HNRNPLL: variants seen among roughly 807,000 people sequenced by gnomAD.
HNRNPLL encodes heterogeneous nuclear ribonucleoprotein L-like.
In HNRNPLL, 25 loss-of-function variants were observed where a neutral mutation model predicts 67.1. The observed-to-expected ratio is 0.37, with a 90% CI of 0.27 to 0.52. The LOEUF is 0.52. HNRNPLL is among the 20% of genes least tolerant of loss of function. The pLI is 0.90. For synonymous variants in HNRNPLL, 267 were observed against 241.7 expected, an observed-to-expected ratio of 1.10 and a Z score of -0.97; for missense variants, 542 against 673.9, an observed-to-expected ratio of 0.80 and a Z score of 2.17.
chr2:38,582,374 G>C (rs564888919), intron 4 of HNRNPLL, among the ~76,000 whole-genome samples: 3 of 152,036 alleles, frequency 2.0e-5, no homozygotes, highest in African/African-American at 7.2e-5. Context: ...GCAGTGGCGC[G>C]ACCTGGGCTC....
intron 8 of HNRNPLL, among the ~76,000 whole-genome samples, chr2:38,572,304 A>C (rs913414442): frequency 2.9e-4 from 44 of 152,090 alleles, no homozygotes; most frequent in African/African-American, 9.4e-4. Context: ...TCCTCAGATC[A>C]AGAAGCTTTA....
At position 38,571,461 on chromosome 2, in the gene HNRNPLL, G is replaced by C. The variant is rs75043546; in HGVS notation, c.1093-1536C>G. Among the ~76,000 whole-genome samples, 4 of 152,224 alleles carry C rather than the reference G, an allele frequency of 2.6e-5. No homozygotes were observed. The East Asian group carries it at 5.8e-4, about 22-fold the overall frequency. ...TCTATTGACGTCTAAAGAATACTGA[G>C]AATGTATTTACACAACAAATGCAAC... On this transcript the variant is annotated intron_variant, in intron 8 of 12. Transcript: ENST00000449105.
intron 7 of HNRNPLL, among the ~76,000 whole-genome samples, chr2:38,575,585 A>C (rs1237533823): frequency 6.6e-6 from 1 of 151,872 alleles, no homozygotes; most frequent in Non-Finnish European, 1.5e-5. Context: ...GTGATGATTC[A>C]CATAGATTTC....
intron 1 of HNRNPLL, 74 bp downstream of exon 1, chr2:38,602,362 CGG>C: frequency 7.2e-7 from 1 of 1,388,436 alleles, no homozygotes; most frequent in Non-Finnish European, 9.8e-7. Flanking sequence ...CTGAAGCAAG[CGG>C]GAGGCCCCGC....
intron 8 of HNRNPLL, among the ~76,000 whole-genome samples, chr2:38,571,468 T>C (rs1057236614): frequency 6.6e-6 from 1 of 152,312 alleles, no homozygotes; most frequent in East Asian, 1.9e-4. Context: ...TGAGAATGTA[T>C]TTACACAACA....
intron 7 of HNRNPLL, among the ~76,000 whole-genome samples, chr2:38,575,480 C>G (rs1666265459): frequency 6.6e-6 from 1 of 151,800 alleles, no homozygotes; most frequent in African/African-American, 2.4e-5. Context: ...GCAAATAAAT[C>G]TATGTATCAA....
intron 2 of HNRNPLL, among the ~76,000 whole-genome samples, chr2:38,587,815 T>C (rs1479963582): frequency 6.6e-6 from 1 of 152,160 alleles, no homozygotes; most frequent in Non-Finnish European, 1.5e-5. Context: ...ATCGCCGATG[T>C]AGGAAGTGGG....
intron 6 of HNRNPLL, among the ~76,000 whole-genome samples, chr2:38,580,884 A>G (rs1666501283): frequency 6.6e-6 from 1 of 152,208 alleles, no homozygotes; most frequent in Non-Finnish European, 1.5e-5. Flanking sequence ...TAGTTACACA[A>G]ATTGACAGTG....
At chr2:38,571,051 A>T (rs1666057866) in intron 8 of HNRNPLL, among the ~76,000 whole-genome samples, 1 of 152,112 alleles carries the variant, frequency 6.6e-6, no homozygotes, top group Admixed American at 6.6e-5. Flanking sequence ...TCTCAAAAGC[A>T]AACACACAAA....
intron 1 of HNRNPLL, among the ~76,000 whole-genome samples, chr2:38,597,577 C>T (rs978550356): frequency 1.3e-5 from 2 of 152,144 alleles, no homozygotes; most frequent in Non-Finnish European, 2.9e-5. Flanking sequence ...TGTAAAGAAG[C>T]ACATCTAAAA....
chr2:38,595,132 T>C (rs1323982346), intron 1 of HNRNPLL, among the ~76,000 whole-genome samples: 1 of 146,420 alleles, frequency 6.8e-6, no homozygotes, highest in Non-Finnish European at 1.5e-5. Flanking sequence ...AACAAAACAT[T>C]AGCTGGGCGT....
intron 1 of HNRNPLL, among the ~76,000 whole-genome samples, chr2:38,595,272 TAAAAAAAAAAA>T (rs70954734): frequency 1.2e-4 from 8 of 68,772 alleles, no homozygotes; most frequent in Non-Finnish European, 1.8e-4. Flanking sequence ...AGACCTTGTC[TAAAAAAAAAAA>T]AAAAAAAAAA....
At chr2:38,602,379 A>G in intron 1 of HNRNPLL, 59 bp downstream of exon 1, 1 of 1,487,214 alleles carries the variant, frequency 6.7e-7, no homozygotes, top group South Asian at 1.2e-5. Flanking sequence ...CCCCGCACCG[A>G]GGCCCTGCTT....
chr2:38,591,037 G>A (rs551375835), intron 2 of HNRNPLL, among the ~76,000 whole-genome samples: 17 of 152,210 alleles, frequency 1.1e-4, no homozygotes, highest in African/African-American at 3.6e-4. Context: ...ATATGCACAT[G>A]AACAAAAGAA....
At chr2:38,596,443 A>G (rs1667196485) in intron 1 of HNRNPLL, among the ~76,000 whole-genome samples, 3 of 152,118 alleles carry the variant, frequency 2.0e-5, no homozygotes, top group South Asian at 4.1e-4. Flanking sequence ...GGTTTAATAG[A>G]GACAGGGTTT....
In HNRNPLL at chr2:38,602,667, G is replaced by C; in HGVS notation, c.-41C>G. Reference sequence around the variant, plus strand: ...GACCGGCTGGCAGGCGGGTGGGGGTGGCGGTGGGGCGCGCGCCTCGGATGC... The same window carrying C: ...GACCGGCTGGCAGGCGGGTGGGGGTCGCGGTGGGGCGCGCGCCTCGGATGC... On this transcript the variant is annotated 5_prime_UTR_variant, in exon 1 of 13. Coordinates refer to ENST00000449105, the MANE Select transcript of HNRNPLL (RefSeq NM_138394.4). The C allele has an allele frequency of 1.4e-6, 2 of 1,446,398 alleles. No homozygotes were observed. Among genetic ancestry groups the C allele is most frequent in the South Asian group, 2.8e-5 (2 of 71,574 alleles). 89.6% of individuals were successfully genotyped at this position (1,446,398 alleles called of 1,614,324 possible).
At position 38,562,441 on chromosome 2, in the gene HNRNPLL, A is replaced by G. The variant is rs1665705868; in HGVS notation, c.*1741T>C. ...TATTTCTTAAAATCTTAGGCATTAAAAAGTCTGTAATTCTGACAACCCACA... is the reference window on the plus strand; with the variant it reads ...TATTTCTTAAAATCTTAGGCATTAAGAAGTCTGTAATTCTGACAACCCACA... On this transcript the variant is annotated 3_prime_UTR_variant, in exon 13 of 13. Transcript: ENST00000449105. The G allele has an allele frequency of 6.6e-6, 1 of 152,184 alleles. No individual in the cohort carries two copies. 9.4% of individuals were successfully genotyped at this position (152,184 alleles called of 1,614,324 possible).
At chr2:38,590,809 G>GAGGCA in intron 2 of HNRNPLL, among the ~76,000 whole-genome samples, 1 of 152,094 alleles carries the variant, frequency 6.6e-6, no homozygotes, top group South Asian at 2.1e-4. Context: ...GACAGCAGCT[G>GAGGCA]AGGCAATGTT....
intron 12 of HNRNPLL, among the ~76,000 whole-genome samples, chr2:38,566,742 G>C (rs1272552994): frequency 6.6e-6 from 1 of 151,554 alleles, no homozygotes; most frequent in Non-Finnish European, 1.5e-5. Context: ...CTAGCACTTT[G>C]GGAGGCTGAG....
Sources: gnomAD v4.1 joint callset for allele counts (sites outside exome capture counted in the v4.1 genomes callset) on GRCh38, gnomAD v4.1.1 for gene constraint, MANE v1.5 for transcripts, NCBI Gene and HGNC (gene_info 2026-07-23, HGNC 2026-07-21) for gene names.